HIBADH: variants seen among roughly 807,000 people sequenced by gnomAD.
The protein encoded by HIBADH is 3-hydroxyisobutyrate dehydrogenase, mitochondrial.
In HIBADH, 25 loss-of-function variants were observed where a neutral mutation model predicts 36.1. The observed-to-expected ratio is 0.69, with a 90% CI of 0.50 to 0.97. The LOEUF is 0.97. Among genes scored for constraint, HIBADH ranks in the 50% least tolerant of loss-of-function variants. The probability of loss-of-function intolerance (pLI) is 0.00; values close to 1 mark genes in which losing one functional copy is unlikely to be tolerated. For missense variants in HIBADH, 421 were observed against 418.0 expected (o/e 1.01, Z -0.06); for synonymous variants, 160 against 149.5 (o/e 1.07, Z -0.51).
At chr7:27,526,767 C>G (rs1350090909) in intron 7 of HIBADH, among the ~76,000 whole-genome samples, 1 of 151,504 alleles carries the variant, frequency 6.6e-6, no homozygotes, top group Non-Finnish European at 1.5e-5. Context: ...AATATTACTT[C>G]ATCCAATAAA....
At chr7:27,644,875 T>C (rs996223330) in intron 2 of HIBADH, among the ~76,000 whole-genome samples, 6 of 152,220 alleles carry the variant, frequency 3.9e-5, no homozygotes, top group Non-Finnish European at 8.8e-5. Flanking sequence ...TGTCTCTATA[T>C]AGACTTCCTT....
rs374546083 is a variant in HIBADH at position 27,526,383 on chromosome 7, C to G, written c.853-11G>C. 1.9e-6 allele frequency: 3 copies of G among 1,605,580 alleles called. 1 individual carries two copies. The highest frequency in any genetic ancestry group is 2.6e-6 in the Non-Finnish European group (3 of 1,176,010). On this transcript the variant is annotated splice_polypyrimidine_tract_variant and intron_variant, in intron 7 of 7. Coordinates refer to ENST00000265395, the MANE Select transcript of HIBADH (RefSeq NM_152740.4). The stretch of plus-strand genomic sequence containing the variant: ...TGCCAATCCCAGATCCTAAATCAAA[C>G]AGGAGGAGAGAACACGCTGAGACTG...
chr7:27,561,893 T>C (rs1784473486), intron 4 of HIBADH, among the ~76,000 whole-genome samples: 1 of 152,152 alleles, frequency 6.6e-6, no homozygotes, highest in South Asian at 2.1e-4. Flanking sequence ...ACTGTTACAT[T>C]TAATTAATTA....
intron 4 of HIBADH, among the ~76,000 whole-genome samples, chr7:27,628,211 A>T (rs913997514): frequency 1.3e-5 from 2 of 152,118 alleles, no homozygotes; most frequent in African/African-American, 4.8e-5. Context: ...TATTTAAGTA[A>T]TTCAATATAA....
chr7:27,629,753 T>C (rs1277811294), intron 3 of HIBADH, among the ~76,000 whole-genome samples: 1 of 152,188 alleles, frequency 6.6e-6, no homozygotes. Context: ...GTATAAATTC[T>C]GATTTCAGAT....
intron 4 of HIBADH, among the ~76,000 whole-genome samples, chr7:27,617,964 C>G (rs1438047762): frequency 6.6e-6 from 1 of 152,146 alleles, no homozygotes; most frequent in Non-Finnish European, 1.5e-5. Flanking sequence ...GTGCAGTGCG[C>G]TGAAAGGCAG....
intron 2 of HIBADH, among the ~76,000 whole-genome samples, chr7:27,643,389 G>A (rs1785996865): frequency 6.6e-6 from 1 of 152,214 alleles, no homozygotes; most frequent in Non-Finnish European, 1.5e-5. Context: ...AAGGCACACA[G>A]AAACTAATTT....
intron 4 of HIBADH, among the ~76,000 whole-genome samples, chr7:27,575,014 G>GCTTAT (rs577640475): frequency 6.6e-6 from 1 of 152,094 alleles, no homozygotes; most frequent in Non-Finnish European, 1.5e-5. Flanking sequence ...TTGGACAAAG[G>GCTTAT]CTTATCTTAT....
intron 2 of HIBADH, among the ~76,000 whole-genome samples, chr7:27,643,830 T>C (rs1294176876): frequency 6.6e-6 from 1 of 152,224 alleles, no homozygotes; most frequent in Non-Finnish European, 1.5e-5. Flanking sequence ...ATTTTCTGGC[T>C]GGCAGCAGCA....
At position 27,596,421 on chromosome 7, in the gene HIBADH, G is replaced by A. The variant is rs143852517; in HGVS notation, c.484+32950C>T. Among the ~76,000 whole-genome samples the A allele has an allele frequency of 4.1e-3, 628 of 152,178 alleles. 4 individuals are homozygous for A. The highest frequency in any genetic ancestry group is 0.02 in the Middle Eastern group (6 of 294). On this transcript the variant is annotated intron_variant, in intron 4 of 7. Transcript: ENST00000265395. ...CACATGAATTCTGGGGGATACATTC[G>A]GACCACAACATTCTCCTACATTGTT... is the stretch of plus-strand genomic sequence containing the variant.
intron 5 of HIBADH, among the ~76,000 whole-genome samples, chr7:27,538,641 C>G (rs1784102849): frequency 6.6e-6 from 1 of 152,006 alleles, no homozygotes; most frequent in African/African-American, 2.4e-5. Flanking sequence ...AATAAATTTG[C>G]CTATGTGAAA....
chr7:27,649,291 T>TGG (rs1786133673), intron 2 of HIBADH, 182 bp downstream of exon 2: 1 of 463,834 alleles, frequency 2.2e-6, no homozygotes, highest in African/African-American at 2.0e-5. Context: ...CCTGAATGTC[T>TGG]AACGAGAACT....
chr7:27,552,138 T>G (rs548501084), intron 4 of HIBADH, among the ~76,000 whole-genome samples: 34 of 152,358 alleles, frequency 2.2e-4, no homozygotes, highest in African/African-American at 7.9e-4. Flanking sequence ...TTGTCCTTTC[T>G]AGAAAAGATT....
intron 3 of HIBADH, among the ~76,000 whole-genome samples, chr7:27,630,868 T>C (rs1405458899): frequency 1.3e-5 from 2 of 152,228 alleles, no homozygotes; most frequent in South Asian, 2.1e-4. Context: ...CAAGAGTATG[T>C]AGGTTTCTCT....
rs555808729 is a variant in HIBADH, at chr7:27,661,989, G to T, written c.91+709C>A. Among the ~76,000 whole-genome samples the T allele has an allele frequency of 3.3e-5, 5 of 152,298 alleles. No homozygotes were observed. The South Asian group carries it at 6.2e-4, about 19-fold the overall frequency. ...TCCTGGCTCTAAAAACTGCCTCTTT[G>T]TAAGTTCATGGCTAGCTTCCACAAT... On this transcript the variant is annotated intron_variant, in intron 1 of 7. Coordinates refer to ENST00000265395, the MANE Select transcript of HIBADH (RefSeq NM_152740.4).
At chr7:27,644,204 G>A (rs1038915155) in intron 2 of HIBADH, among the ~76,000 whole-genome samples, 11 of 152,038 alleles carry the variant, frequency 7.2e-5, no homozygotes, top group South Asian at 2.1e-4. Flanking sequence ...GGTGGCTCAC[G>A]CCTGTAATCC....
At chr7:27,590,619 C>T (rs1421073098) in intron 4 of HIBADH, among the ~76,000 whole-genome samples, 3 of 152,128 alleles carry the variant, frequency 2.0e-5, no homozygotes, top group South Asian at 2.1e-4. Context: ...ATTGCTTAAC[C>T]ACCACCCACC....
intron 4 of HIBADH, 58 bp downstream of exon 4, chr7:27,629,313 A>G (rs957599854): frequency 5.8e-6 from 9 of 1,556,030 alleles, no homozygotes; most frequent in African/African-American, 2.7e-5. Flanking sequence ...CAACAAAACC[A>G]TAATTGCTAC....
Position 27,538,603 on chromosome 7 carries a change from G to A in HIBADH, c.619-186C>T, listed in dbSNP as rs553941125. On this transcript the variant is annotated intron_variant, in intron 5 of 7. Coordinates refer to ENST00000265395, the MANE Select transcript of HIBADH (RefSeq NM_152740.4). ...TCTGAACCTCACATGCTATCCCAGA[G>A]CAGACTTGCGGGTCTCCTCCACTAG... Among the ~76,000 whole-genome samples the A allele has an allele frequency of 2.6e-5, 4 of 152,194 alleles. No homozygotes were observed. In the East Asian group the frequency reaches 7.7e-4, roughly 29 times the overall value.
Sources: allele counts gnomAD v4.1 joint callset (sites outside exome capture counted in the v4.1 genomes callset), GRCh38; gene constraint gnomAD v4.1.1; transcripts MANE v1.5; gene names NCBI Gene and HGNC (gene_info 2026-07-23, HGNC 2026-07-21).